MTSS1: variants seen among roughly 807,000 people sequenced by gnomAD.
MTSS1 encodes the protein protein MTSS 1.
MTSS1 carries 18 observed loss-of-function variants against 79.0 expected under a neutral mutation model. That is an observed-to-expected ratio of 0.23 (90% CI 0.16 to 0.34). MTSS1 has a LOEUF of 0.34. Among genes scored for constraint, MTSS1 ranks in the 10% least tolerant of loss-of-function variants. The pLI, the probability that MTSS1 is intolerant of heterozygous loss-of-function variation, is 1.00. For synonymous variants in MTSS1, 341 were observed against 368.6 expected (o/e 0.93, Z 0.86); for missense variants, 815 against 986.2 (o/e 0.83, Z 2.33).
chr8:124,568,199 G>A (rs1826946181), intron 7 of MTSS1, 180 bp downstream of exon 7: 2 of 737,622 alleles, frequency 2.7e-6, no homozygotes, highest in Non-Finnish European at 2.1e-6. Flanking sequence ...CTAGAACAGT[G>A]AATGAGGAGT....
intron 5 of MTSS1, among the ~76,000 whole-genome samples, chr8:124,586,622 C>T (rs1262559552): frequency 6.6e-6 from 1 of 152,118 alleles, no homozygotes; most frequent in African/African-American, 2.4e-5. Flanking sequence ...GGCTGCTACT[C>T]GGGTCGCGCT....
chr8:124,718,756 C>T (rs1002864372), intron 1 of MTSS1, among the ~76,000 whole-genome samples: 6 of 152,100 alleles, frequency 3.9e-5, no homozygotes, highest in East Asian at 3.9e-4. Context: ...GTTACTGGAG[C>T]GACCCTTGAC....
chr8:124,632,330 T>A (rs1816146987), intron 3 of MTSS1, among the ~76,000 whole-genome samples: 1 of 150,614 alleles, frequency 6.6e-6, no homozygotes, highest in South Asian at 2.1e-4. Context: ...TCCTGCCTTT[T>A]ATTAACACAT....
At chr8:124,659,049 G>A (rs927475112) in intron 3 of MTSS1, among the ~76,000 whole-genome samples, 2 of 152,130 alleles carry the variant, frequency 1.3e-5, no homozygotes, top group African/African-American at 2.4e-5. Flanking sequence ...CAGCAATTTT[G>A]AACTTTGTTT....
chr8:124,638,841 A>G (rs1817506248), intron 3 of MTSS1, among the ~76,000 whole-genome samples: 1 of 152,232 alleles, frequency 6.6e-6, no homozygotes, highest in South Asian at 2.1e-4. Flanking sequence ...ACTAGTAATT[A>G]TCACTATCAT....
intron 3 of MTSS1, among the ~76,000 whole-genome samples, chr8:124,595,081 T>C (rs566658840): frequency 6.6e-6 from 1 of 152,266 alleles, no homozygotes; most frequent in South Asian, 2.1e-4. Flanking sequence ...ATTTACCATT[T>C]TGAGAGCAAA....
intron 3 of MTSS1, among the ~76,000 whole-genome samples, chr8:124,603,540 T>A (rs1043789837): frequency 2.6e-5 from 4 of 152,218 alleles, no homozygotes; most frequent in African/African-American, 9.6e-5. Flanking sequence ...CAAACTGTGT[T>A]CCTCTGGCTT....
At chr8:124,699,838 C>T (rs1477104118) in intron 2 of MTSS1, among the ~76,000 whole-genome samples, 3 of 152,160 alleles carry the variant, frequency 2.0e-5, no homozygotes, top group African/African-American at 7.2e-5. Flanking sequence ...CATTCCATTT[C>T]ATCTGACTGT....
chr8:124,724,577 G>C (rs1833412557), intron 1 of MTSS1, among the ~76,000 whole-genome samples: 1 of 152,190 alleles, frequency 6.6e-6, no homozygotes, highest in African/African-American at 2.4e-5. Context: ...TTTGATTTCA[G>C]ACATCCAACT....
At chr8:124,590,092 T>A (rs1487551554) in intron 4 of MTSS1, among the ~76,000 whole-genome samples, 2 of 152,196 alleles carry the variant, frequency 1.3e-5, no homozygotes, top group East Asian at 1.9e-4. Context: ...CCTGACCTCA[T>A]GAGCCGCCTG....
At chr8:124,661,675 C>T (rs1367405531) in intron 3 of MTSS1, among the ~76,000 whole-genome samples, 1 of 152,144 alleles carries the variant, frequency 6.6e-6, no homozygotes, top group South Asian at 2.1e-4. Context: ...TGGTCAGCCA[C>T]CCGCTACAAA....
At chr8:124,556,937 CGAGAAGCCTT>C (rs1220276963) in intron 11 of MTSS1, among the ~76,000 whole-genome samples, 1 of 152,194 alleles carries the variant, frequency 6.6e-6, no homozygotes, top group Non-Finnish European at 1.5e-5. Flanking sequence ...AGAAAGATTC[CGAGAAGCCTT>C]GAGAGGCCCA....
intron 10 of MTSS1, chr8:124,558,778 C>T (rs559973464): frequency 3.2e-6 from 5 of 1,583,272 alleles, no homozygotes; most frequent in East Asian, 2.3e-5. Flanking sequence ...GAGCTGCACT[C>T]GCTCACTGAC....
At chr8:124,668,933 T>C (rs1336600165) in intron 3 of MTSS1, among the ~76,000 whole-genome samples, 2 of 152,230 alleles carry the variant, frequency 1.3e-5, no homozygotes, top group Admixed American at 1.3e-4. Context: ...ATGTCCTACA[T>C]GTAGCAGGTC....
At chr8:124,663,890 GCA>G (rs1320396510) in intron 3 of MTSS1, among the ~76,000 whole-genome samples, 7 of 152,234 alleles carry the variant, frequency 4.6e-5, no homozygotes, top group Non-Finnish European at 1.0e-4. Flanking sequence ...GCATCACGGA[GCA>G]CAGAGAGGAG....
At chr8:124,581,225 G>A (rs578229481) in intron 6 of MTSS1, among the ~76,000 whole-genome samples, 15 of 150,568 alleles carry the variant, frequency 1.0e-4, no homozygotes, top group African/African-American at 2.4e-4. Context: ...AGGCTGAGGC[G>A]GGAAGATCCC....
At chr8:124,572,798 G>GTGC (rs1828104702) in intron 6 of MTSS1, among the ~76,000 whole-genome samples, 1 of 148,204 alleles carries the variant, frequency 6.7e-6, no homozygotes, top group Non-Finnish European at 1.5e-5. Context: ...GCTGGATGGA[G>GTGC]TGCAGTGGCG....
chr8:124,589,322 C>T (rs142296815), intron 5 of MTSS1, among the ~76,000 whole-genome samples: 176 of 152,308 alleles, frequency 1.2e-3, no homozygotes, highest in African/African-American at 3.9e-3. Flanking sequence ...TGAGCCACCG[C>T]GCCCACCCTG....
intron 3 of MTSS1, among the ~76,000 whole-genome samples, chr8:124,616,780 C>T (rs1456450337): frequency 6.6e-6 from 1 of 152,236 alleles, no homozygotes; most frequent in Non-Finnish European, 1.5e-5. Context: ...CAACGAGGCA[C>T]TCACTTGTTG....
Sources: allele counts gnomAD v4.1 joint callset (sites outside exome capture counted in the v4.1 genomes callset), GRCh38; gene constraint gnomAD v4.1.1; transcripts MANE v1.5; gene names NCBI Gene and HGNC (gene_info 2026-07-23, HGNC 2026-07-21).